Variants in PCYT1B observed in about 807,000 individuals in gnomAD.
The protein encoded by PCYT1B is phosphate cytidylyltransferase 1B, choline.
In PCYT1B, 10 loss-of-function variants were observed where a neutral mutation model predicts 26.4. The observed-to-expected ratio is 0.38, with a 90% CI of 0.23 to 0.64. The LOEUF (loss-of-function observed/expected upper bound fraction) is 0.64. Among genes scored for constraint, PCYT1B ranks in the 30% least tolerant of loss-of-function variants. PCYT1B has a pLI of 0.56. For synonymous variants in PCYT1B, 131 were observed against 108.4 expected, an observed-to-expected ratio of 1.21 and a Z score of -1.29; for missense variants, 161 against 292.7, an observed-to-expected ratio of 0.55 and a Z score of 3.28.
intron 3 of PCYT1B, among the ~76,000 whole-genome samples, chrX:24,593,390 CTT>C (rs1299157398): frequency 3.9e-5 from 4 of 102,892 alleles, no homozygotes; most frequent in Non-Finnish European, 6.0e-5. Flanking sequence ...CTCTCTCTCT[CTT>C]TCCTTCTTTC....
At chrX:24,579,917 A>G (rs756290182) in intron 5 of PCYT1B, among the ~76,000 whole-genome samples, 3 of 112,197 alleles carry the variant, frequency 2.7e-5, no homozygotes, top group Non-Finnish European at 5.6e-5. Flanking sequence ...GCTCATGCCT[A>G]TAATCCCAGT....
upstream of PCYT1B, among the ~76,000 whole-genome samples, chrX:24,648,449 ATTTTTTTT>A (rs57744798): frequency 1.0e-4 from 4 of 39,723 alleles, no homozygotes; most frequent in Middle Eastern, 0.016. Context: ...ATTTGAAGGA[ATTTTTTTT>A]TTTTTTTTTT....
chrX:24,602,892 C>T (rs886569789), intron 3 of PCYT1B, among the ~76,000 whole-genome samples: 2 of 111,231 alleles, frequency 1.8e-5, no homozygotes, highest in Admixed American at 9.7e-5. Context: ...AAACCTCCAC[C>T]TCCCAGGTTC....
intron 7 of PCYT1B, among the ~76,000 whole-genome samples, chrX:24,568,409 T>G (rs1374404529): frequency 9.0e-6 from 1 of 111,226 alleles, no homozygotes; most frequent in African/African-American, 3.3e-5. Context: ...CATGGTGGTA[T>G]GCACCTGTAG....
chrX:24,640,003 G>A (rs999029714), intron 1 of PCYT1B, among the ~76,000 whole-genome samples: 2 of 111,658 alleles, frequency 1.8e-5, no homozygotes, highest in Non-Finnish European at 3.8e-5. Flanking sequence ...TTGGATGGAT[G>A]AAAGGAATGA....
chrX:24,598,592 A>G (rs1290068691), intron 3 of PCYT1B, among the ~76,000 whole-genome samples: 1 of 111,592 alleles, frequency 9.0e-6, no homozygotes, highest in East Asian at 2.8e-4. Flanking sequence ...TAAATATCAC[A>G]TAATTTTATG....
Position 24,616,002 on chromosome X carries a change from A to T in PCYT1B, c.217+2983T>A, listed in dbSNP as rs142710161. ...TAGGACACTTGACAAGTTACTTTTC[A>T]GTTCTGCAAGTCTCCTTTGTCTCCT... On this transcript the variant is annotated intron_variant, in intron 2 of 7. Coordinates refer to ENST00000379144, the MANE Select transcript of PCYT1B (RefSeq NM_004845.5). Among the ~76,000 whole-genome samples the T allele has an allele frequency of 3.3e-3, 371 of 111,529 alleles. 2 individuals are homozygous for T. The highest frequency in any genetic ancestry group is 5.5e-3 in the Non-Finnish European group (290 of 53,105).
rs759861990 is a variant in PCYT1B at position 24,559,433 on chromosome X, G to GA, written c.*2859dup. 9 of 41,388 alleles carry GA rather than the reference G, an allele frequency of 2.2e-4. No individual in the cohort carries two copies. The highest frequency in any genetic ancestry group is 5.8e-4 in the African/African-American group (9 of 15,441). The allele number at this position is 41,388 out of a possible 1,213,427, so 3.4% of individuals were successfully genotyped here. On this transcript the variant is annotated 3_prime_UTR_variant, in exon 8 of 8. Transcript: ENST00000379144. ...AGGAAAGAAAAAGAGAAAGAAGAAA[G>GA]AAAAAGAAAGAGAGAGAGAGAGAAA...
intron 3 of PCYT1B, among the ~76,000 whole-genome samples, chrX:24,605,766 C>T (rs940621973): frequency 1.8e-5 from 2 of 110,910 alleles, no homozygotes; most frequent in African/African-American, 6.5e-5. Flanking sequence ...ACTAAAAATA[C>T]AAAAAAGTAG....
At chrX:24,578,949 A>C (rs1750683283) in intron 6 of PCYT1B, among the ~76,000 whole-genome samples, 1 of 111,524 alleles carries the variant, frequency 9.0e-6, no homozygotes, top group Non-Finnish European at 1.9e-5. Flanking sequence ...ATAATAATAC[A>C]TCATGGGTTA....
intron 2 of PCYT1B, among the ~76,000 whole-genome samples, chrX:24,616,228 CTT>C (rs59287140): frequency 2.1e-3 from 93 of 43,800 alleles, no homozygotes; most frequent in South Asian, 5.8e-3. Flanking sequence ...ACCACCTGGA[CTT>C]TTTTTTTTTT....
intron 2 of PCYT1B, among the ~76,000 whole-genome samples, chrX:24,612,431 C>T (rs1293058410): frequency 5.4e-5 from 6 of 111,980 alleles, no homozygotes; most frequent in African/African-American, 1.9e-4. Flanking sequence ...TCTCAAACCT[C>T]AGTAAGATGA....
intron 1 of PCYT1B, among the ~76,000 whole-genome samples, chrX:24,653,083 T>C (rs1926819172): frequency 8.9e-6 from 1 of 112,020 alleles, no homozygotes; most frequent in Non-Finnish European, 1.9e-5. Context: ...GGAGACTCCA[T>C]CTTAAAACAA....
Position 24,663,372 on chromosome X carries a change from C to T in PCYT1B, c.63+9198G>A, listed in dbSNP as rs191276032. ...TTTCTTCCACAATAAAATAAAACTA[C>T]TTATGCCCCCTGGGGGTTTTGTGGG... On this transcript the variant is annotated intron_variant, in intron 1 of 7. Coordinates refer to the PCYT1B transcript ENST00000379145. Among the ~76,000 whole-genome samples the T allele has an allele frequency of 4.2e-3, 471 of 112,285 alleles. 3 individuals are homozygous for T. The highest frequency in any genetic ancestry group is 0.032 in the Admixed American group (340 of 10,568).
intron 7 of PCYT1B, among the ~76,000 whole-genome samples, chrX:24,574,805 A>T (rs1159187107): frequency 8.9e-6 from 1 of 112,273 alleles, no homozygotes; most frequent in Non-Finnish European, 1.9e-5. Context: ...AAGTTTCATC[A>T]TCCCCAACTG....
intron 1 of PCYT1B, among the ~76,000 whole-genome samples, chrX:24,658,979 G>A (rs1347150864): frequency 8.9e-6 from 1 of 111,863 alleles, no homozygotes; most frequent in Non-Finnish European, 1.9e-5. Flanking sequence ...ATCCTTCTCT[G>A]TATCAGAAAC....
At chrX:24,668,096 T>C (rs1426426198) in intron 1 of PCYT1B, among the ~76,000 whole-genome samples, 1 of 112,421 alleles carries the variant, frequency 8.9e-6, no homozygotes, top group Non-Finnish European at 1.9e-5. Context: ...CATTCTTCTC[T>C]AATAACTCAA....
intron 7 of PCYT1B, among the ~76,000 whole-genome samples, chrX:24,573,025 T>C (rs7878935): frequency 9.7e-6 from 1 of 103,523 alleles, no homozygotes; most frequent in Non-Finnish European, 2.0e-5. Context: ...TACACACACA[T>C]ACACACATAT....
At chrX:24,621,205 C>T (rs1465670505) in intron 1 of PCYT1B, among the ~76,000 whole-genome samples, 1 of 111,554 alleles carries the variant, frequency 9.0e-6, no homozygotes, top group African/African-American at 3.3e-5. Flanking sequence ...TCAGGAGGAG[C>T]TATACTTGAG....
Sources: allele counts gnomAD v4.1 joint callset (sites outside exome capture counted in the v4.1 genomes callset), GRCh38; gene constraint gnomAD v4.1.1; transcripts MANE v1.5; gene names NCBI Gene and HGNC (gene_info 2026-07-23, HGNC 2026-07-21).